The following GALNT13 variants were observed in gnomAD, a reference collection of about 807,000 sequenced individuals.
GALNT13 encodes the protein polypeptide N-acetylgalactosaminyltransferase 13, also known as UDP-GalNAc:polypeptide N-acetylgalactosaminyltransferase 13.
Under a neutral mutation model 64.2 loss-of-function variants are expected in GALNT13, and 28 were observed. The observed-to-expected ratio is 0.44, with a 90% CI of 0.32 to 0.60. GALNT13 has a LOEUF of 0.60. GALNT13 is among the 20% of genes least tolerant of loss of function. GALNT13 has a pLI of 0.05. For missense variants in GALNT13, 577 were observed against 669.8 expected (o/e 0.86, Z 1.53); for synonymous variants, 214 against 224.6 (o/e 0.95, Z 0.42).
At chr2:153,939,918 T>G (rs1223791866) in intron 2 of GALNT13, among the ~76,000 whole-genome samples, 1 of 152,122 alleles carries the variant, frequency 6.6e-6, no homozygotes, top group East Asian at 1.9e-4. Flanking sequence ...GTTGCACAAT[T>G]AGTGAGTGTT....
At chr2:153,465,508 G>T in the GALNT13 span, among the ~76,000 whole-genome samples, 1 of 151,074 alleles carries the variant, frequency 6.6e-6, no homozygotes, top group African/African-American at 2.4e-5. Context: ...TAGAAAGAAT[G>T]ATTTATCCAT....
At chr2:154,446,635 A>T (rs1312680527) in intron 12 of GALNT13, 1 of 1,548,680 alleles carries the variant, frequency 6.5e-7, no homozygotes, top group Non-Finnish European at 8.7e-7. Context: ...GATGGCTCCC[A>T]GCATCCTACT....
Position 154,106,098 on chromosome 2 carries a change from A to G in GALNT13, c.143-34239A>G, listed in dbSNP as rs150569269. ...TTTGGGTAGATGTCCTTTGTCAGAT[A>G]TAGGTTTTGCAGTTATGTCCTCACT... On this transcript the variant is annotated intron_variant, in intron 3 of 12. Coordinates refer to ENST00000392825, the MANE Select transcript of GALNT13 (RefSeq NM_052917.4). Among the ~76,000 whole-genome samples, 562 of 152,246 alleles carry G rather than the reference A, an allele frequency of 3.7e-3. 3 individuals carry two copies. Among genetic ancestry groups the G allele is most frequent in the Non-Finnish European group, 6.7e-3 (453 of 68,000 alleles).
the GALNT13 span, among the ~76,000 whole-genome samples, chr2:153,156,722 T>G: frequency 2.0e-5 from 3 of 152,194 alleles, no homozygotes; most frequent in Non-Finnish European, 4.4e-5. Flanking sequence ...CCTGATGGTA[T>G]TACTGTTTTA....
intron 9 of GALNT13, among the ~76,000 whole-genome samples, chr2:154,302,803 C>A (rs932385603): frequency 1.3e-4 from 20 of 152,060 alleles, no homozygotes; most frequent in Admixed American, 1.0e-3. Context: ...AACCAAGGTT[C>A]TTATTATACA....
At chr2:153,113,255 C>T in the GALNT13 span, among the ~76,000 whole-genome samples, 1 of 151,998 alleles carries the variant, frequency 6.6e-6, no homozygotes. Flanking sequence ...ATTCAGAATT[C>T]TTCTGTCCAT....
intron 8 of GALNT13, among the ~76,000 whole-genome samples, chr2:154,287,693 C>A (rs978218884): frequency 1.3e-5 from 2 of 152,032 alleles, no homozygotes; most frequent in African/African-American, 2.4e-5. Context: ...ATGTGTTGCA[C>A]TCCACACCTC....
intron 3 of GALNT13, among the ~76,000 whole-genome samples, chr2:154,084,505 A>G (rs1701429366): frequency 6.6e-6 from 1 of 151,922 alleles, no homozygotes; most frequent in African/African-American, 2.4e-5. Context: ...TCCCTAAATT[A>G]TTTAAGTCTA....
chr2:153,205,988 G>A, the GALNT13 span, among the ~76,000 whole-genome samples: 5 of 151,646 alleles, frequency 3.3e-5, no homozygotes, highest in African/African-American at 1.2e-4. Flanking sequence ...CCCTCAATAA[G>A]TCCTGAATAA....
intron 3 of GALNT13, among the ~76,000 whole-genome samples, chr2:154,017,407 C>T (rs1045485530): frequency 1.3e-5 from 2 of 152,178 alleles, no homozygotes; most frequent in African/African-American, 2.4e-5. Flanking sequence ...AAAATCCACT[C>T]TCTTCCTAAA....
At chr2:154,264,526 A>G (rs1470826510) in intron 8 of GALNT13, among the ~76,000 whole-genome samples, 1 of 151,450 alleles carries the variant, frequency 6.6e-6, no homozygotes, top group Non-Finnish European at 1.5e-5. Flanking sequence ...AATCCCAGCA[A>G]CTCGAGAGGC....
At chr2:153,519,312 T>G in the GALNT13 span, among the ~76,000 whole-genome samples, 1 of 152,174 alleles carries the variant, frequency 6.6e-6, no homozygotes, top group Non-Finnish European at 1.5e-5. Flanking sequence ...TCTAACAATT[T>G]CCTTTGAGTT....
chr2:153,897,467 G>A (rs1247271613), intron 1 of GALNT13, among the ~76,000 whole-genome samples: 3 of 152,072 alleles, frequency 2.0e-5, no homozygotes, highest in South Asian at 2.1e-4. Flanking sequence ...GAGGCATGTC[G>A]TATTTGTCTG....
intron 3 of GALNT13, among the ~76,000 whole-genome samples, chr2:154,014,448 C>T (rs918370862): frequency 1.3e-5 from 2 of 151,768 alleles, no homozygotes; most frequent in Non-Finnish European, 2.9e-5. Flanking sequence ...AGATTCCTCC[C>T]GCTTCAGTCC....
At chr2:153,746,077 A>C in the GALNT13 span, among the ~76,000 whole-genome samples, 2 of 152,178 alleles carry the variant, frequency 1.3e-5, no homozygotes, top group Non-Finnish European at 2.9e-5. Flanking sequence ...GCTTCAATGA[A>C]TAAAAGTAAA....
At chr2:153,306,335 T>C in the GALNT13 span, among the ~76,000 whole-genome samples, 1 of 152,216 alleles carries the variant, frequency 6.6e-6, no homozygotes, top group Non-Finnish European at 1.5e-5. Flanking sequence ...TCTGTCAGAA[T>C]GTATTTAGTG....
chr2:153,436,799 G>C, the GALNT13 span, among the ~76,000 whole-genome samples: 1 of 151,948 alleles, frequency 6.6e-6, no homozygotes, highest in African/African-American at 2.4e-5. Flanking sequence ...CTGATTTTTT[G>C]AACGGTTTTT....
chr2:154,340,768 C>G (rs1391224678), intron 9 of GALNT13, among the ~76,000 whole-genome samples: 5 of 152,006 alleles, frequency 3.3e-5, no homozygotes, highest in African/African-American at 1.2e-4. Flanking sequence ...ACATAGTATC[C>G]TCCCTTGGTA....
At chr2:153,601,911 C>A in the GALNT13 span, among the ~76,000 whole-genome samples, 495 of 151,976 alleles carry the variant, frequency 3.3e-3, 1 homozygote, top group Admixed American at 6.5e-3. Context: ...CCTATGTAGT[C>A]AAATGGGATT....
Sources: allele counts gnomAD v4.1 joint callset (sites outside exome capture counted in the v4.1 genomes callset), GRCh38; gene constraint gnomAD v4.1.1; transcripts MANE v1.5; gene names NCBI Gene and HGNC (gene_info 2026-07-23, HGNC 2026-07-21).